The following ZCCHC14 variants were observed in gnomAD, a reference collection of about 807,000 sequenced individuals.
ZCCHC14 encodes zinc finger CCHC domain-containing protein 14.
Under a neutral mutation model 85.0 loss-of-function variants are expected in ZCCHC14, and 16 were observed. The observed-to-expected ratio is 0.19, with a 90% confidence interval of 0.13 to 0.29. The LOEUF is 0.29. Ranked by LOEUF, ZCCHC14 falls within the 10% of genes least tolerant of loss-of-function variation. The pLI is 1.00. For missense variants in ZCCHC14, 1,303 were observed against 1,443.5 expected (o/e 0.90, Z 1.58); for synonymous variants, 775 against 630.7 (o/e 1.23, Z -3.43).
intron 2 of ZCCHC14, among the ~76,000 whole-genome samples, chr16:87,435,199 A>T (rs1909860456): frequency 6.6e-6 from 1 of 152,120 alleles, no homozygotes; most frequent in African/African-American, 2.4e-5. Flanking sequence ...TGCTCTGTGC[A>T]CACGCTCTGG....
chr16:87,414,845 C>T (rs578186059), intron 9 of ZCCHC14, among the ~76,000 whole-genome samples: 1 of 152,362 alleles, frequency 6.6e-6, no homozygotes, highest in African/African-American at 2.4e-5. Flanking sequence ...CTTTGGGAGG[C>T]CCAGGCGGGC....
At chr16:87,421,248 G>A (rs576159735) in intron 4 of ZCCHC14, among the ~76,000 whole-genome samples, 2 of 152,174 alleles carry the variant, frequency 1.3e-5, no homozygotes, top group African/African-American at 4.8e-5. Context: ...TGCAATTCCC[G>A]GGACCACTCT....
At chr16:87,453,303 T>TG (rs1367345420) in intron 2 of ZCCHC14, among the ~76,000 whole-genome samples, 1 of 152,194 alleles carries the variant, frequency 6.6e-6, no homozygotes. Context: ...AGAACGATTC[T>TG]GGGGAAAAAA....
rs116584316 is a variant in ZCCHC14 at position 87,441,895 on chromosome 16, G to A, written c.695-8694C>T. ...CAACGAAAGCCCCTGGAAGGGAGAC[G>A]CTCCTCTCTGATGTGGGGGCTGCGA... On this transcript the variant is annotated intron_variant, in intron 2 of 12. Coordinates refer to ENST00000671377, the MANE Select transcript of ZCCHC14 (RefSeq NM_015144.3). 2.3e-3 allele frequency among the ~76,000 whole-genome samples: 353 copies of A among 152,290 alleles called. 4 individuals are homozygous for A. The highest frequency in any genetic ancestry group is 0.011 in the Admixed American group (169 of 15,302).
chr16:87,418,415 G>T (rs2150726756), intron 7 of ZCCHC14, among the ~76,000 whole-genome samples: 1 of 152,274 alleles, frequency 6.6e-6, no homozygotes, highest in East Asian at 1.9e-4. Context: ...GACTCCCTAT[G>T]GGGGTGCGTG....
chr16:87,459,198 G>A (rs146671640), intron 2 of ZCCHC14, among the ~76,000 whole-genome samples: 33 of 152,312 alleles, frequency 2.2e-4, no homozygotes, highest in East Asian at 1.7e-3. Context: ...TCAAGTGCGC[G>A]GAAGGCACGT....
At chr16:87,488,318 TG>T (rs1158592640) in intron 1 of ZCCHC14, among the ~76,000 whole-genome samples, 1 of 152,170 alleles carries the variant, frequency 6.6e-6, no homozygotes, top group East Asian at 1.9e-4. Context: ...GTTGGCACCC[TG>T]GAACAGGCGA....
chr16:87,448,632 G>T (rs966416131), intron 2 of ZCCHC14, among the ~76,000 whole-genome samples: 1 of 152,124 alleles, frequency 6.6e-6, no homozygotes, highest in Non-Finnish European at 1.5e-5. Flanking sequence ...GTTTTGCTCT[G>T]GTGGTCACTT....
At chr16:87,463,700 G>A (rs1321768895) in intron 1 of ZCCHC14, among the ~76,000 whole-genome samples, 5 of 152,152 alleles carry the variant, frequency 3.3e-5, no homozygotes, top group Non-Finnish European at 7.4e-5. Flanking sequence ...GCGGGCACCT[G>A]TAATCCCAGC....
chr16:87,416,210 G>T (rs1908775540), intron 8 of ZCCHC14, among the ~76,000 whole-genome samples: 1 of 152,028 alleles, frequency 6.6e-6, no homozygotes, highest in South Asian at 2.1e-4. Flanking sequence ...ACAGGCGTGA[G>T]CCACCGCACC....
chr16:87,467,885 T>C (rs181961497), intron 1 of ZCCHC14, among the ~76,000 whole-genome samples: 138 of 152,300 alleles, frequency 9.1e-4, no homozygotes, highest in Non-Finnish European at 1.8e-3. Flanking sequence ...TATCCTGACG[T>C]CGTGGTCCGC....
chr16:87,421,972 G>A (rs1325493788), intron 4 of ZCCHC14, among the ~76,000 whole-genome samples: 4 of 152,062 alleles, frequency 2.6e-5, no homozygotes, highest in Non-Finnish European at 5.9e-5. Flanking sequence ...ATTGTCAAGA[G>A]ATAAAGCAAT....
chr16:87,441,252 A>G (rs1910171632), intron 2 of ZCCHC14, among the ~76,000 whole-genome samples: 1 of 152,184 alleles, frequency 6.6e-6, no homozygotes, highest in Non-Finnish European at 1.5e-5. Flanking sequence ...TCGGCCTCCC[A>G]AAGTGCTGGG....
intron 3 of ZCCHC14, among the ~76,000 whole-genome samples, chr16:87,430,209 G>A (rs1279716026): frequency 6.6e-6 from 1 of 152,180 alleles, no homozygotes; most frequent in Non-Finnish European, 1.5e-5. Context: ...TCACTTCTGA[G>A]TTAATTTGGT....
At chr16:87,432,849 G>C (rs1909729753) in intron 3 of ZCCHC14, among the ~76,000 whole-genome samples, 1 of 152,290 alleles carries the variant, frequency 6.6e-6, no homozygotes, top group East Asian at 1.9e-4. Flanking sequence ...GCCTCATCCA[G>C]TTCTGCTATT....
chr16:87,434,293 A>G (rs983198255), intron 2 of ZCCHC14, among the ~76,000 whole-genome samples: 1 of 152,246 alleles, frequency 6.6e-6, no homozygotes, highest in Non-Finnish European at 1.5e-5. Context: ...ACTCAGCCTC[A>G]TCAAGGCAGG....
chr16:87,420,516 C>G lies in ZCCHC14; in HGVS notation c.950+91G>C, dbSNP rs1909038036. On this transcript the variant is annotated intron_variant, in intron 5 of 12. Coordinates refer to ENST00000671377, the MANE Select transcript of ZCCHC14 (RefSeq NM_015144.3). The surrounding 1 kb of genome is among the most constrained non-coding windows in gnomAD (Gnocchi z 5.0). ...CAGGTCCAGGTGACCGCGCATCCTC[C>G]CAGAGCTCCTTGGAGGACCACAGCA... 3 of 1,068,866 alleles carry G rather than the reference C, an allele frequency of 2.8e-6. No homozygotes were observed. In the South Asian group the frequency reaches 4.7e-5, roughly 17 times the overall value. The allele number at this position is 1,068,866 out of a possible 1,614,324, so 66.2% of individuals were successfully genotyped here. A position where few individuals can be genotyped will look rare whatever the true frequency, so the allele number is the denominator to read the frequency against.
chr16:87,422,788 G>A (rs545372088), intron 4 of ZCCHC14, among the ~76,000 whole-genome samples: 14 of 152,028 alleles, frequency 9.2e-5, no homozygotes, highest in East Asian at 1.9e-4. Flanking sequence ...ATGAGAGGTC[G>A]AAGTTCCAGC....
At chr16:87,414,675 C>T (rs1033422412) in intron 9 of ZCCHC14, 134 bp from the exon 10 acceptor site, 10 of 1,250,118 alleles carry the variant, frequency 8.0e-6, no homozygotes, top group Non-Finnish European at 1.1e-5. Flanking sequence ...GTCTACTCCA[C>T]ACCACAGGGA....
Sources: gnomAD v4.1 joint callset for allele counts (sites outside exome capture counted in the v4.1 genomes callset) on GRCh38, gnomAD v4.1.1 for gene constraint, Gnocchi (gnomAD v3.1) non-coding constraint, MANE v1.5 for transcripts, NCBI Gene and HGNC (gene_info 2026-07-23, HGNC 2026-07-21) for gene names.